Variants in DOCK7 observed in about 807,000 individuals in gnomAD.
DOCK7 encodes dedicator of cytokinesis protein 7.
DOCK7 carries 138 observed loss-of-function variants against 271.0 expected under a neutral mutation model. The observed-to-expected ratio is 0.51, with a 90% CI of 0.44 to 0.59. The LOEUF (loss-of-function observed/expected upper bound fraction) is 0.59. Ranked by LOEUF, DOCK7 falls within the 20% of genes least tolerant of loss-of-function variation. The pLI is 0.00. For synonymous variants in DOCK7, 823 were observed against 876.1 expected (o/e 0.94, Z 1.07); for missense variants, 2,066 against 2,592.4 (o/e 0.80, Z 4.41).
intron 21 of DOCK7, 129 bp downstream of exon 21, chr1:62,555,696 C>G (rs1646117838): frequency 1.0e-6 from 1 of 980,466 alleles, no homozygotes; most frequent in African/African-American, 1.7e-5. Context: ...GTGAATGGTA[C>G]TTAGCAGGTG....
intron 18 of DOCK7, among the ~76,000 whole-genome samples, chr1:62,567,920 C>T (rs542659955): frequency 6.6e-6 from 1 of 152,108 alleles, no homozygotes; most frequent in African/African-American, 2.4e-5. Context: ...TAGATATCTA[C>T]AGAACTCTCC....
Position 62,583,186 on chromosome 1 carries a change from G to A in DOCK7, c.1869C>T (p.Asn623=). ...AAAGAAATATTTGAATTCAGTACCT[G>A]TTATGATATACTACGGCTGTATAGG... The part of the protein sequence containing the change: ...KEAYTAVVYH[N]RSPDFHEEIK... Residue 623 remains asparagine (N), a splice_region_variant and synonymous_variant, in exon 16 of 50, where the codon AAC becomes AAT. Coordinates refer to ENST00000635253, the MANE Select transcript of DOCK7 (RefSeq NM_001367561.1). The A allele has an allele frequency of 6.2e-7, 1 of 1,609,992 alleles. No individual in the cohort carries two copies. The highest frequency in any genetic ancestry group is 8.5e-7 in the Non-Finnish European group (1 of 1,176,706).
chr1:62,508,259 C>T (rs1294771621), intron 34 of DOCK7, among the ~76,000 whole-genome samples: 1 of 150,544 alleles, frequency 6.6e-6, no homozygotes, highest in African/African-American at 2.5e-5. Context: ...CACACTTTCT[C>T]ACCCCATTAC....
At chr1:62,497,400 C>A (rs1646654098) in intron 37 of DOCK7, among the ~76,000 whole-genome samples, 1 of 152,134 alleles carries the variant, frequency 6.6e-6, no homozygotes, top group Non-Finnish European at 1.5e-5. Flanking sequence ...TACTAGATAG[C>A]ACCATCTGGA....
intron 35 of DOCK7, among the ~76,000 whole-genome samples, chr1:62,506,248 A>T (rs528429382): frequency 1.3e-5 from 2 of 152,204 alleles, no homozygotes; most frequent in East Asian, 3.9e-4. Context: ...TTAGCTGAAG[A>T]CTTTGAATCC....
chr1:62,550,823 C>A (rs978890230), intron 22 of DOCK7, among the ~76,000 whole-genome samples: 2 of 151,366 alleles, frequency 1.3e-5, no homozygotes, highest in East Asian at 1.9e-4. Flanking sequence ...CAGGTTCAAG[C>A]GATTCACCTA....
At position 62,529,348 on chromosome 1, in the gene DOCK7, C is replaced by T. The variant is rs761961096; in HGVS notation, c.3710G>A (p.Arg1237Gln). 8.7e-6 allele frequency: 14 copies of T among 1,613,548 alleles called. No individual in the cohort carries two copies. Among genetic ancestry groups the T allele is most frequent in the Middle Eastern group, 1.6e-4 (1 of 6,080 alleles). ...PRYSDPQIKA[R>Q]VAMLYLPLIG... ...CAGAGGTAGATACAACATGGCCACT[C>T]GAGCCTTTATCTGAGGGTCAGAGTA... Residue 1237 changes from arginine (R) to glutamine (Q), a missense_variant, in exon 30 of 50, where the codon CGA becomes CAA. Transcript: ENST00000635253.
chr1:62,637,896 C>G (rs1655477711), intron 7 of DOCK7, among the ~76,000 whole-genome samples: 1 of 152,188 alleles, frequency 6.6e-6, no homozygotes, highest in Non-Finnish European at 1.5e-5. Flanking sequence ...AGTGACTCAG[C>G]AGGGAACTCT....
chr1:62,476,391 A>G (rs1423632487), intron 44 of DOCK7, among the ~76,000 whole-genome samples: 1 of 152,226 alleles, frequency 6.6e-6, no homozygotes, highest in Non-Finnish European at 1.5e-5. Context: ...ATAACACAAA[A>G]TATCAGAAAA....
chr1:62,553,344 ATATATATATATTTTTTTTTTTT>A (rs1164187303), intron 21 of DOCK7, among the ~76,000 whole-genome samples: 628 of 31,114 alleles, frequency 0.02, 1 homozygote, highest in Middle Eastern at 0.059. Context: ...ATATATATAT[ATATATATATATTTTTTTTTTTT>A]TTTTTTTTTT....
intron 1 of DOCK7, among the ~76,000 whole-genome samples, chr1:62,683,417 T>A (rs1661386840): frequency 1.3e-5 from 2 of 152,130 alleles, no homozygotes; most frequent in South Asian, 4.1e-4. Context: ...ATCTGAGGTG[T>A]TAAATAAGTC....
chr1:62,592,487 A>G (rs1648593064), intron 14 of DOCK7, among the ~76,000 whole-genome samples: 1 of 152,198 alleles, frequency 6.6e-6, no homozygotes, highest in African/African-American at 2.4e-5. Context: ...AATACACAGC[A>G]AGTGATACCA....
At chr1:62,599,067 T>C (rs1649725899) in intron 14 of DOCK7, among the ~76,000 whole-genome samples, 1 of 152,038 alleles carries the variant, frequency 6.6e-6, no homozygotes, top group South Asian at 2.1e-4. Flanking sequence ...TAACAGAACT[T>C]ATAGGATTAT....
intron 37 of DOCK7, among the ~76,000 whole-genome samples, chr1:62,497,959 A>G (rs1395252169): frequency 1.3e-5 from 2 of 152,098 alleles, no homozygotes; most frequent in African/African-American, 2.4e-5. Flanking sequence ...ACCATCAAAA[A>G]GTGCTTTTAA....
chr1:62,472,046 C>G (rs1645844829), intron 48 of DOCK7, among the ~76,000 whole-genome samples: 1 of 151,910 alleles, frequency 6.6e-6, no homozygotes, highest in African/African-American at 2.4e-5. Flanking sequence ...GGCTATAACT[C>G]CTTTGTAAGG....
In DOCK7 at chr1:62,490,676, C is replaced by A. The variant is rs150694470; in HGVS notation, c.5362-1611G>T. Among the ~76,000 whole-genome samples, 10 of 152,196 alleles carry A rather than the reference C, an allele frequency of 6.6e-5. No individual in the cohort carries two copies. In the East Asian group the frequency reaches 1.9e-3, roughly 29 times the overall value. ...GAATAAAATTTACAATTATATACAACTGCAAAAGAATTTTAATAATATAGG... is the reference window on the plus strand; with the variant it reads ...GAATAAAATTTACAATTATATACAAATGCAAAAGAATTTTAATAATATAGG... On this transcript the variant is annotated intron_variant, in intron 41 of 49. Transcript: ENST00000635253.
Position 62,573,718 on chromosome 1 carries a change from C to A in DOCK7, c.2112+3544G>T, listed in dbSNP as rs774793754. Reference sequence around the variant, plus strand: ...ATATACTTAAGGCTACAGAAATGTACACTTAAAATTAAAATGATAAACTTT... The same window carrying A: ...ATATACTTAAGGCTACAGAAATGTAAACTTAAAATTAAAATGATAAACTTT... On this transcript the variant is annotated intron_variant, in intron 18 of 49. Coordinates refer to ENST00000635253, the MANE Select transcript of DOCK7 (RefSeq NM_001367561.1). Among the ~76,000 whole-genome samples the A allele has an allele frequency of 2.7e-3, 415 of 152,158 alleles. 10 individuals carry two copies. Among genetic ancestry groups the A allele is most frequent in the East Asian group, 5.8e-4 (3 of 5,178 alleles).
chr1:62,527,462 C>A (rs1321740635), intron 31 of DOCK7, among the ~76,000 whole-genome samples: 1 of 151,958 alleles, frequency 6.6e-6, no homozygotes, highest in African/African-American at 2.4e-5. Flanking sequence ...TTGGAACCAA[C>A]CCAAATGTCC....
At position 62,495,625 on chromosome 1, in the gene DOCK7, CT is replaced by C; in HGVS notation, c.4979del (p.Lys1660ArgfsTer10). On this transcript the variant is annotated frameshift_variant, in exon 39 of 50. Transcript: ENST00000635253. LOFTEE classifies it high-confidence loss of function. ...ACATTTCAGGATCCTCCTGGTGTTCCTTCATTTTCACAGTATCAGAAAGAAT... is the reference window on the plus strand; with the variant it reads ...ACATTTCAGGATCCTCCTGGTGTTCCTCATTTTCACAGTATCAGAAAGAAT... ...HMILSDTVKM[K>X]EHQEDPEMLI... The C allele has an allele frequency of 6.3e-7, 1 of 1,589,228 alleles. No homozygotes were observed.
Sources: gnomAD v4.1 joint callset for allele counts (sites outside exome capture counted in the v4.1 genomes callset) on GRCh38, gnomAD v4.1.1 for gene constraint, MANE v1.5 for transcripts, NCBI Gene and HGNC (gene_info 2026-07-23, HGNC 2026-07-21) for gene names.